The following HHAT variants were observed in gnomAD, a reference collection of about 807,000 sequenced individuals.
HHAT encodes protein-cysteine N-palmitoyltransferase HHAT.
Under a neutral mutation model 70.8 loss-of-function variants are expected in HHAT, and 47 were observed. The observed-to-expected ratio is 0.66, with a 90% confidence interval of 0.53 to 0.85. The LOEUF (loss-of-function observed/expected upper bound fraction) is 0.85. Among genes scored for constraint, HHAT ranks in the 40% least tolerant of loss-of-function variants. The pLI, the probability that HHAT is intolerant of heterozygous loss-of-function variation, is 0.00. For synonymous variants in HHAT, 228 were observed against 247.6 expected (o/e 0.92, Z 0.74); for missense variants, 609 against 604.8 (o/e 1.01, Z -0.07).
At chr1:210,417,449 G>A (rs2148269877) in intron 6 of HHAT, among the ~76,000 whole-genome samples, 1 of 152,222 alleles carries the variant, frequency 6.6e-6, no homozygotes, top group East Asian at 1.9e-4. Flanking sequence ...TGGCCAGGCT[G>A]GTCTCGAACT....
intron 10 of HHAT, among the ~76,000 whole-genome samples, chr1:210,594,496 T>C (rs942762087): frequency 1.3e-5 from 2 of 152,160 alleles, no homozygotes; most frequent in Non-Finnish European, 2.9e-5. Context: ...TTTTTGTTTA[T>C]GTCTCATTGT....
chr1:210,342,310 C>T (rs778249526), intron 1 of HHAT, among the ~76,000 whole-genome samples: 1 of 152,148 alleles, frequency 6.6e-6, no homozygotes, highest in African/African-American at 2.4e-5. Flanking sequence ...AACATGAAAT[C>T]GTATGTTTTA....
chr1:210,485,350 A>G (rs2094458690), intron 8 of HHAT, among the ~76,000 whole-genome samples: 3 of 152,086 alleles, frequency 2.0e-5, no homozygotes, highest in Admixed American at 2.0e-4. Flanking sequence ...GCCGCAATAG[A>G]CTTCTTCACT....
At chr1:210,407,113 C>G (rs1315426176) in intron 6 of HHAT, among the ~76,000 whole-genome samples, 1 of 152,048 alleles carries the variant, frequency 6.6e-6, no homozygotes, top group East Asian at 1.9e-4. Flanking sequence ...GGGGAACTTC[C>G]CTTCTGTGGG....
At chr1:210,566,280 A>G (rs868646750) in intron 9 of HHAT, among the ~76,000 whole-genome samples, 1 of 152,308 alleles carries the variant, frequency 6.6e-6, no homozygotes, top group Middle Eastern at 3.4e-3. Context: ...AGTGTTAAGC[A>G]TATAGGTTAT....
At chr1:210,500,558 G>C (rs2094733794) in intron 8 of HHAT, among the ~76,000 whole-genome samples, 1 of 152,098 alleles carries the variant, frequency 6.6e-6, no homozygotes, top group South Asian at 2.1e-4. Flanking sequence ...CGTAATTTTT[G>C]GGGCATCATG....
At chr1:210,661,514 C>G (rs1677710644) in intron 11 of HHAT, among the ~76,000 whole-genome samples, 1 of 152,174 alleles carries the variant, frequency 6.6e-6, no homozygotes, top group South Asian at 2.1e-4. Context: ...GGATCTAGAA[C>G]TAGAAATACC....
chr1:210,605,039 A>ACAACAACAACAG (rs1218768449), intron 10 of HHAT, among the ~76,000 whole-genome samples: 1 of 152,082 alleles, frequency 6.6e-6, no homozygotes, highest in South Asian at 2.1e-4. Context: ...AACAACAACA[A>ACAACAACAACAG]CAACAAAGAA....
At position 210,513,147 on chromosome 1, in the gene HHAT, G is replaced by T; in HGVS notation, c.1008-6G>T. 2.0e-6 allele frequency: 3 copies of T among 1,518,044 alleles called. No homozygotes were observed. In the South Asian group the frequency reaches 3.5e-5, roughly 18 times the overall value. 94.0% of individuals were successfully genotyped at this position (1,518,044 alleles called of 1,614,324 possible). ...TGATATGCTTGTCTATGTCTCTTTT[G>T]AACAGGTATTTTGATGTTGGACTGC... On this transcript the variant is annotated splice_polypyrimidine_tract_variant and splice_region_variant and intron_variant, in intron 8 of 11. Coordinates refer to ENST00000261458, the MANE Select transcript of HHAT (RefSeq NM_018194.6).
intron 3 of HHAT, among the ~76,000 whole-genome samples, chr1:210,364,798 AG>A (rs1434632401): frequency 1.3e-5 from 2 of 152,232 alleles, no homozygotes; most frequent in East Asian, 3.8e-4. Context: ...CTCTCATAAC[AG>A]GTCTGGGGTC....
chr1:210,385,272 T>C (rs1017151108), intron 3 of HHAT, among the ~76,000 whole-genome samples: 9 of 151,920 alleles, frequency 5.9e-5, no homozygotes, highest in Admixed American at 2.0e-4. Flanking sequence ...TTTTTTCTTT[T>C]TGAGTTTGTA....
intron 8 of HHAT, among the ~76,000 whole-genome samples, chr1:210,502,246 T>C (rs1484494451): frequency 6.7e-6 from 1 of 149,234 alleles, no homozygotes; most frequent in East Asian, 2.0e-4. Context: ...TAGCCGGGAG[T>C]GGTGGTGGGC....
chr1:210,646,030 G>A (rs535622447), intron 11 of HHAT, among the ~76,000 whole-genome samples: 1 of 152,246 alleles, frequency 6.6e-6, no homozygotes, highest in South Asian at 2.1e-4. Flanking sequence ...AGATAAAAGA[G>A]GAAAAAGATA....
chr1:210,386,260 A>G, intron 3 of HHAT, among the ~76,000 whole-genome samples: 1 of 40,744 alleles, frequency 2.5e-5, no homozygotes, highest in Non-Finnish European at 4.6e-5. Flanking sequence ...TTTTTTTGAG[A>G]CAGAGTCTCG....
In HHAT at chr1:210,389,791, A is replaced by G. The variant is rs76312386; in HGVS notation, c.273+2210A>G. ...AGCAGTGTGTAAACAGACTAATACAACTGATGAATGAATTAATCCATTAAT... is the reference window on the plus strand; with the variant it reads ...AGCAGTGTGTAAACAGACTAATACAGCTGATGAATGAATTAATCCATTAAT... On this transcript the variant is annotated intron_variant, in intron 4 of 11. Coordinates refer to ENST00000261458, the MANE Select transcript of HHAT (RefSeq NM_018194.6). Among the ~76,000 whole-genome samples, 733 of 152,280 alleles carry G rather than the reference A, an allele frequency of 4.8e-3. 5 individuals are homozygous for G. Among genetic ancestry groups the G allele is most frequent in the African/African-American group, 0.017 (691 of 41,542 alleles).
rs1013404314 is a variant in HHAT, at chr1:210,446,908, A to G, written c.857-17597A>G. Among the ~76,000 whole-genome samples the G allele has an allele frequency of 1.8e-4, 28 of 152,304 alleles. 1 individual carries two copies. Among genetic ancestry groups the G allele is most frequent in the African/African-American group, 6.5e-4 (27 of 41,566 alleles). On this transcript the variant is annotated intron_variant, in intron 7 of 11. Transcript: ENST00000261458. ...TTGTCTGCCTTCCATCCCAGAGTCT[A>G]TGTTCCATGGACATAGGAACCTTAG...
In HHAT at chr1:210,552,401, G is replaced by C. The variant is rs537574482; in HGVS notation, c.1044-35497G>C. Among the ~76,000 whole-genome samples, 4 of 152,320 alleles carry C rather than the reference G, an allele frequency of 2.6e-5. No individual in the cohort carries two copies. The East Asian group carries it at 7.7e-4, about 29-fold the overall frequency. On this transcript the variant is annotated intron_variant, in intron 9 of 11. Transcript: ENST00000261458. ...CTTGAAAACCTCTGGCCTGTGCCTT[G>C]TGCCTGGCTGAGATGGTGGAAATAC...
intron 10 of HHAT, among the ~76,000 whole-genome samples, chr1:210,605,215 G>A (rs1050595610): frequency 6.6e-6 from 1 of 152,164 alleles, no homozygotes; most frequent in African/African-American, 2.4e-5. Context: ...TACCTCCAGT[G>A]TTACAGATGT....
intron 6 of HHAT, among the ~76,000 whole-genome samples, chr1:210,405,663 T>C (rs2092300692): frequency 6.6e-6 from 1 of 152,204 alleles, no homozygotes; most frequent in Non-Finnish European, 1.5e-5. Flanking sequence ...TCCTCAAAGT[T>C]CCACTGAATT....
Sources: allele counts gnomAD v4.1 joint callset (sites outside exome capture counted in the v4.1 genomes callset), GRCh38; gene constraint gnomAD v4.1.1; transcripts MANE v1.5; gene names NCBI Gene and HGNC (gene_info 2026-07-23, HGNC 2026-07-21).